Variants in NDRG4 observed in about 807,000 individuals in gnomAD.
NDRG4 encodes protein NDRG4.
A neutral mutation model predicts 55.8 loss-of-function variants in NDRG4; 38 were observed. The ratio of observed to expected loss-of-function variants is 0.68; its 90% CI spans 0.53 to 0.89. The LOEUF (loss-of-function observed/expected upper bound fraction) is 0.89. Ranked by LOEUF, NDRG4 falls within the 40% of genes least tolerant of loss-of-function variation. The pLI is 0.00. For synonymous variants in NDRG4, 190 were observed against 182.7 expected, an observed-to-expected ratio of 1.04 and a Z score of -0.32; for missense variants, 455 against 468.6, an observed-to-expected ratio of 0.97 and a Z score of 0.27.
At chr16:58,501,905 TC>T (rs2037189134) in intron 1 of NDRG4, 1 of 444,068 alleles carries the variant, frequency 2.3e-6, no homozygotes, top group Non-Finnish European at 4.6e-6. Flanking sequence ...CCCTGGGCTC[TC>T]GACGTCTGAC....
rs747496947 is a variant in NDRG4, at chr16:58,503,823, G to A, written c.47G>A (p.Gly16Asp). Reference protein sequence around the residue: ...DGEHDIETPYGLLHVVIRGSP... With the variant: ...DGEHDIETPYDLLHVVIRGSP... ...GAACATGACATCGAGACACCCTACG[G>A]CCTTCTGCATGTAGTGATCCGGGGC... is the stretch of plus-strand genomic sequence containing the variant. Residue 16 changes from glycine to aspartate, a missense_variant, in exon 2 of 15, where the codon GGC (glycine) becomes GAC (aspartate). Physicochemically the swap from Gly to Asp is moderately conservative, Grantham distance 94. Coordinates refer to ENST00000570248, the MANE Select transcript of NDRG4 (RefSeq NM_001242835.2). 7.6e-5 allele frequency: 122 copies of A among 1,613,786 alleles called. No homozygotes were observed. The highest frequency in any genetic ancestry group is 9.9e-5 in the Non-Finnish European group (117 of 1,179,982).
intron 14 of NDRG4, chr16:58,511,221 C>T (rs1267257027): frequency 9.9e-6 from 6 of 608,268 alleles, no homozygotes; most frequent in Non-Finnish European, 1.7e-5. Flanking sequence ...AGCTGCTGGC[C>T]GCAGCCCCCT....
chr16:58,501,405 G>A, intron 1 of NDRG4: 1 of 250,050 alleles, frequency 4.0e-6, no homozygotes, highest in Non-Finnish European at 7.6e-6. Flanking sequence ...CTCCCCTGCT[G>A]CCGCAGTGCT....
chr16:58,509,253 T>A (rs1250434802), intron 12 of NDRG4, 48 bp from the exon 13 acceptor site: 1 of 1,613,922 alleles, frequency 6.2e-7, no homozygotes, highest in South Asian at 1.1e-5. Context: ...CCCTACCTGC[T>A]AATCCTAGGC....
intron 1 of NDRG4, chr16:58,501,389 A>G (rs1197284599): frequency 1.4e-5 from 4 of 276,470 alleles, no homozygotes; most frequent in Non-Finnish European, 2.7e-5. Flanking sequence ...GAGCCGCCAC[A>G]GCCCCCTCCC....
intron 1 of NDRG4, among the ~76,000 whole-genome samples, chr16:58,473,223 G>A (rs1206019617): frequency 2.0e-5 from 3 of 152,112 alleles, no homozygotes; most frequent in Admixed American, 2.0e-4. Context: ...ACAGTTGCCT[G>A]ATCACAGCTC....
intron 1 of NDRG4, among the ~76,000 whole-genome samples, chr16:58,503,028 G>A (rs188812688): frequency 1.6e-4 from 25 of 152,370 alleles, no homozygotes; most frequent in African/African-American, 5.8e-4. Context: ...AGGTGGTTCT[G>A]GATGGAGAGG....
exon 3 of NDRG4, chr16:58,494,980 T>C (rs749958524): frequency 5.6e-6 from 9 of 1,613,486 alleles, no homozygotes; most frequent in Non-Finnish European, 6.8e-6. Flanking sequence ...TCCGATGCCT[T>C]CCTCTTGGCT....
At position 58,467,190 on chromosome 16, in the gene NDRG4, G is replaced by A. The variant is rs568232705; in HGVS notation, c.-24+3393G>A. On this transcript the variant is annotated intron_variant, in intron 1 of 15. Coordinates refer to the NDRG4 transcript ENST00000258187. ...ACTCCCTGCCCCGACATCAGCCTTA[G>A]GAAATTTTTACTGAATTTTAAAAAC... is the stretch of plus-strand genomic sequence containing the variant. 3.3e-5 allele frequency among the ~76,000 whole-genome samples: 5 copies of A among 152,228 alleles called. No individual in the cohort carries two copies. The South Asian group carries it at 6.2e-4, about 19-fold the overall frequency.
At chr16:58,503,727 G>T in intron 1 of NDRG4, 71 bp from the exon 2 acceptor site, 2 of 1,600,858 alleles carry the variant, frequency 1.2e-6, no homozygotes, top group Non-Finnish European at 1.7e-6. Context: ...ACCAGGCTGC[G>T]TCACCTCATT....
At chr16:58,475,861 A>G (rs764437896) in intron 1 of NDRG4, among the ~76,000 whole-genome samples, 2 of 151,968 alleles carry the variant, frequency 1.3e-5, no homozygotes, top group East Asian at 3.9e-4. Flanking sequence ...CAGTGGCACA[A>G]TCTTGGCACA....
At chr16:58,514,745 CAAAAAAAAAAAAAA>C, downstream of NDRG4, among the ~76,000 whole-genome samples, 1 of 82,110 alleles carries the variant, frequency 1.2e-5, no homozygotes, top group East Asian at 3.1e-4. Flanking sequence ...CCCAACGCGC[CAAAAAAAAAAAAAA>C]AAAAAAGGAA....
intron 6 of NDRG4, 21 bp from the exon 7 acceptor site, chr16:58,506,537 C>T: frequency 1.2e-6 from 2 of 1,600,298 alleles, no homozygotes; most frequent in Non-Finnish European, 1.7e-6. Context: ...GGCACTCACG[C>T]TGGCGCCCTG....
chr16:58,464,670 C>G lies in NDRG4; in HGVS notation c.-24+873C>G. ...GGTTGTGGCGAGTCCCTGGCGCTGG[C>G]GTCCGGGCTGCGGGAGCACCGGTCA... On this transcript the variant is annotated intron_variant, in intron 1 of 15. Transcript: ENST00000258187. The surrounding 1 kb of genome is among the most constrained non-coding windows in gnomAD (Gnocchi z 4.8). 2 of 1,055,938 alleles carry G rather than the reference C, an allele frequency of 1.9e-6. No homozygotes were observed. Among genetic ancestry groups the G allele is most frequent in the Non-Finnish European group, 2.5e-6 (2 of 814,612 alleles). The allele number at this position is 1,055,938 out of a possible 1,614,324, so 65.4% of individuals were successfully genotyped here.
At chr16:58,466,955 G>A (rs2031808231) in intron 1 of NDRG4, among the ~76,000 whole-genome samples, 1 of 152,136 alleles carries the variant, frequency 6.6e-6, no homozygotes, top group African/African-American at 2.4e-5. Context: ...AGAGCATTTG[G>A]ATCTGCCCCC....
intron 1 of NDRG4, among the ~76,000 whole-genome samples, chr16:58,502,560 C>A (rs2037308464): frequency 6.6e-6 from 1 of 152,202 alleles, no homozygotes; most frequent in African/African-American, 2.4e-5. Flanking sequence ...AATGCTGGCC[C>A]CTGAGCAGCT....
chr16:58,489,592 G>A (rs1027348917), intron 2 of NDRG4, among the ~76,000 whole-genome samples: 1 of 151,992 alleles, frequency 6.6e-6, no homozygotes, highest in African/African-American at 2.4e-5. Context: ...CCCTGGCCGT[G>A]TCACTTAGCC....
At chr16:58,496,907 A>T (rs1470230954), upstream of NDRG4, 1 of 152,198 alleles carries the variant, frequency 6.6e-6, no homozygotes, top group Non-Finnish European at 1.5e-5. Context: ...AGAGAAAATG[A>T]GTGCTCGCCC....
Position 58,464,741 on chromosome 16 carries a change from A to G in NDRG4, c.-24+944A>G, listed in dbSNP as rs780373701. 1.1e-4 allele frequency: 139 copies of G among 1,280,208 alleles called. No individual in the cohort carries two copies. The highest frequency in any genetic ancestry group is 1.5e-4 in the Admixed American group (4 of 26,736). 79.3% of individuals were successfully genotyped at this position (1,280,208 alleles called of 1,614,324 possible). ...TCTGACCAGCGGAGCTCGGATTAGGACCCTGAAAGCTAGCTCAGGGCTCCT... is the reference window on the plus strand; with the variant it reads ...TCTGACCAGCGGAGCTCGGATTAGGGCCCTGAAAGCTAGCTCAGGGCTCCT... On this transcript the variant is annotated intron_variant, in intron 1 of 15. Coordinates refer to the NDRG4 transcript ENST00000258187. This position sits in a 1 kb window ranked among gnomAD's most constrained non-coding sequence, Gnocchi z 4.8.
Sources: allele counts gnomAD v4.1 joint callset (sites outside exome capture counted in the v4.1 genomes callset), GRCh38; gene constraint gnomAD v4.1.1; non-coding constraint Gnocchi (gnomAD v3.1); transcripts MANE v1.5; gene names NCBI Gene and HGNC (gene_info 2026-07-23, HGNC 2026-07-21).